The following CPHXL2 variants were observed in gnomAD, a reference collection of about 807,000 sequenced individuals.
CPHXL2 encodes the protein cytoplasmic polyadenylated homeobox-like protein 2.
At chr16:75,673,012 C>T in the CPHXL2 span, among the ~76,000 whole-genome samples, 1 of 141,600 alleles carries the variant, frequency 7.1e-6, no homozygotes, top group African/African-American at 2.7e-5. Flanking sequence ...GAAGCTGAGG[C>T]TGCAGTGAGC....
chr16:75,676,158 A>C, the CPHXL2 span, among the ~76,000 whole-genome samples: 1 of 152,172 alleles, frequency 6.6e-6, no homozygotes, highest in African/African-American at 2.4e-5. Flanking sequence ...AGGGGTCATC[A>C]ATAACAATAA....
the CPHXL2 span, among the ~76,000 whole-genome samples, chr16:75,663,174 A>G: frequency 6.6e-6 from 1 of 152,142 alleles, no homozygotes; most frequent in Non-Finnish European, 1.5e-5. Context: ...TCTCATTTTT[A>G]TATTTCCATG....
At chr16:75,673,665 C>A in the CPHXL2 span, among the ~76,000 whole-genome samples, 1 of 151,914 alleles carries the variant, frequency 6.6e-6, no homozygotes, top group East Asian at 1.9e-4. Flanking sequence ...GATTCTAGGT[C>A]TGGGGCAGAA....
chr16:75,667,799 T>C, the CPHXL2 span, among the ~76,000 whole-genome samples: 38 of 152,350 alleles, frequency 2.5e-4, no homozygotes, highest in Non-Finnish European at 5.0e-4. Flanking sequence ...ATGTGAAACA[T>C]GTGTCCAAAA....
the CPHXL2 span, among the ~76,000 whole-genome samples, chr16:75,676,425 A>G: frequency 1.3e-5 from 2 of 152,176 alleles, no homozygotes; most frequent in South Asian, 2.1e-4. Flanking sequence ...TTGGGCTCAG[A>G]TGATCCCTCC....
At chr16:75,665,328 C>G in the CPHXL2 span, among the ~76,000 whole-genome samples, 1 of 152,202 alleles carries the variant, frequency 6.6e-6, no homozygotes, top group African/African-American at 2.4e-5. Context: ...GGGGCCCTAT[C>G]TTTATCCTCC....
the CPHXL2 span, among the ~76,000 whole-genome samples, chr16:75,666,369 C>T: frequency 6.6e-6 from 1 of 151,968 alleles, no homozygotes; most frequent in Non-Finnish European, 1.5e-5. Flanking sequence ...CACTGTAATC[C>T]CAGCACTTTA....
the CPHXL2 span, among the ~76,000 whole-genome samples, chr16:75,662,321 T>C: frequency 1.1e-4 from 16 of 149,512 alleles, 1 homozygote; most frequent in South Asian, 3.4e-3. Context: ...TTTTTTTCCC[T>C]TTTTCTTTCT....
At chr16:75,673,500 A>T in the CPHXL2 span, among the ~76,000 whole-genome samples, 1 of 152,082 alleles carries the variant, frequency 6.6e-6, no homozygotes, top group Admixed American at 6.6e-5. Context: ...TATCAGTTTA[A>T]TTTCATCACT....
At chr16:75,666,818 CAT>C in the CPHXL2 span, among the ~76,000 whole-genome samples, 2 of 151,920 alleles carry the variant, frequency 1.3e-5, no homozygotes, top group Non-Finnish European at 2.9e-5. Context: ...CAAGATAGAC[CAT>C]ATGATAGGTC....
chr16:75,674,177 T>C, the CPHXL2 span, among the ~76,000 whole-genome samples: 1 of 151,148 alleles, frequency 6.6e-6, no homozygotes. Flanking sequence ...ATTGAGACCA[T>C]CCTAGCTAAC....
the CPHXL2 span, among the ~76,000 whole-genome samples, chr16:75,671,148 C>T: frequency 3.3e-5 from 5 of 152,078 alleles, no homozygotes; most frequent in African/African-American, 9.7e-5. Context: ...TCTGGAAGGC[C>T]GAAGCCAGCA....
chr16:75,663,722 A>G, the CPHXL2 span, among the ~76,000 whole-genome samples: 1 of 151,522 alleles, frequency 6.6e-6, no homozygotes, highest in African/African-American at 2.4e-5. Context: ...TCTCTACTAA[A>G]AAAAATACAA....
the CPHXL2 span, among the ~76,000 whole-genome samples, chr16:75,667,496 T>C: frequency 6.6e-6 from 1 of 152,178 alleles, no homozygotes; most frequent in Admixed American, 6.5e-5. Flanking sequence ...GCAAGGGAAA[T>C]CTTTGCCATT....
the CPHXL2 span, among the ~76,000 whole-genome samples, chr16:75,661,758 A>T: frequency 6.6e-6 from 1 of 152,120 alleles, no homozygotes; most frequent in Non-Finnish European, 1.5e-5. Context: ...CAAGTTTCAC[A>T]AGTAAAGAGT....
At chr16:75,669,263 C>T in the CPHXL2 span, 1 of 395,320 alleles carries the variant, frequency 2.5e-6, no homozygotes, top group Non-Finnish European at 4.5e-6. Context: ...CTGCAGTGAG[C>T]CGTGATCGCT....
chr16:75,669,819 C>G, the CPHXL2 span, among the ~76,000 whole-genome samples: 10,392 of 152,286 alleles, frequency 0.068, 480 homozygotes, highest in African/African-American at 0.13. Flanking sequence ...TTACTTATGT[C>G]TTGTCTATGG....
chr16:75,660,379 G>C, the CPHXL2 span: 3 of 398,736 alleles, frequency 7.5e-6, no homozygotes, highest in Non-Finnish European at 1.3e-5. Context: ...TCTTGCCCCA[G>C]AGGCAGCAGG....
the CPHXL2 span, chr16:75,660,954 A>G: frequency 1.0e-5 from 4 of 398,702 alleles, no homozygotes; most frequent in African/African-American, 8.2e-5. Context: ...AGAAGAGCAC[A>G]TGGAGCCCAC....
Sources: allele counts gnomAD v4.1 joint callset (sites outside exome capture counted in the v4.1 genomes callset), GRCh38; gene constraint gnomAD v4.1.1; transcripts MANE v1.5; gene names NCBI Gene and HGNC (gene_info 2026-07-23, HGNC 2026-07-21).